The following LHX4 variants were observed in gnomAD, a reference collection of about 807,000 sequenced individuals.
The protein encoded by LHX4 is LIM/homeobox protein Lhx4.
A neutral mutation model predicts 39.2 loss-of-function variants in LHX4; 16 were observed. That is an observed-to-expected ratio of 0.41 (90% CI 0.28 to 0.62). The LOEUF is 0.62. LHX4 is among the 20% of genes least tolerant of loss of function. The probability of loss-of-function intolerance (pLI) is 0.33; values close to 1 mark genes in which losing one functional copy is unlikely to be tolerated. For synonymous variants in LHX4, 206 were observed against 198.1 expected, an observed-to-expected ratio of 1.04 and a Z score of -0.33; for missense variants, 439 against 511.9, an observed-to-expected ratio of 0.86 and a Z score of 1.37.
intron 3 of LHX4, chr1:180,269,754 G>A (rs1648523706): frequency 6.6e-6 from 1 of 152,222 alleles, no homozygotes; most frequent in Non-Finnish European, 1.5e-5. Flanking sequence ...ACACTCCCGT[G>A]TAGACTATAA....
rs1558207249 is a variant in LHX4, at chr1:180,234,211, AT to A, written c.76+3607del. The stretch of plus-strand genomic sequence containing the variant: ...TATATATATATATATATATATATAT[AT>A]ATATATATAATAGATTGAGATTCTA... On this transcript the variant is annotated intron_variant, in intron 1 of 5. Transcript: ENST00000263726. The surrounding 1 kb of genome is among the most constrained non-coding windows in gnomAD (Gnocchi z 4.8). Among the ~76,000 whole-genome samples the A allele has an allele frequency of 2.7e-3, 179 of 65,092 alleles. 3 individuals are homozygous for A. Among genetic ancestry groups the A allele is most frequent in the Admixed American group, 4.8e-3 (37 of 7,672 alleles). The allele number at this position is 65,092 out of a possible 152,430, so 42.7% of individuals were successfully genotyped here. A position where few individuals can be genotyped will look rare whatever the true frequency, so the allele number is the denominator to read the frequency against.
In LHX4 at chr1:180,278,170, A is replaced by T. The variant is rs1271353933; in HGVS notation, c.*3591A>T. On this transcript the variant is annotated 3_prime_UTR_variant, in exon 6 of 6. Coordinates refer to ENST00000263726, the MANE Select transcript of LHX4 (RefSeq NM_033343.4). ...AAATAATGACCATACCTCCCCAGCCAGCAGGGTCTGGAAGGCCTGAGGAGG... is the reference window on the plus strand; with the variant it reads ...AAATAATGACCATACCTCCCCAGCCTGCAGGGTCTGGAAGGCCTGAGGAGG... The T allele has an allele frequency of 6.6e-6, 1 of 152,248 alleles. No homozygotes were observed. The highest frequency in any genetic ancestry group is 2.4e-5 in the African/African-American group (1 of 41,468). The allele number at this position is 152,248 out of a possible 1,614,324, so 9.4% of individuals were successfully genotyped here. A position where few individuals can be genotyped will look rare whatever the true frequency, so the allele number is the denominator to read the frequency against.
chr1:180,253,061 T>C (rs570119799), intron 2 of LHX4, among the ~76,000 whole-genome samples: 2 of 152,134 alleles, frequency 1.3e-5, no homozygotes, highest in Non-Finnish European at 2.9e-5. Flanking sequence ...GTGGGGACCA[T>C]GATTTGTTCT....
intron 2 of LHX4, among the ~76,000 whole-genome samples, chr1:180,259,991 G>T (rs927833916): frequency 7.9e-5 from 12 of 151,526 alleles, no homozygotes; most frequent in Non-Finnish European, 1.3e-4. Flanking sequence ...GGAGGTCAAA[G>T]AATTGAGAGG....
intron 2 of LHX4, among the ~76,000 whole-genome samples, chr1:180,259,725 AG>A (rs1235767078): frequency 1.3e-5 from 2 of 151,522 alleles, no homozygotes; most frequent in African/African-American, 4.9e-5. Flanking sequence ...GGCAGGGTCC[AG>A]GGTGTGTGGG....
At chr1:180,235,345 CT>C (rs1664289375) in intron 1 of LHX4, among the ~76,000 whole-genome samples, 1 of 152,276 alleles carries the variant, frequency 6.6e-6, no homozygotes, top group African/African-American at 2.4e-5. Flanking sequence ...GTGGCAGGGA[CT>C]TTTCCAGCAA....
At chr1:180,233,758 G>A (rs1664235807) in intron 1 of LHX4, among the ~76,000 whole-genome samples, 1 of 152,180 alleles carries the variant, frequency 6.6e-6, no homozygotes, top group African/African-American at 2.4e-5. Flanking sequence ...ACGGGAGAAG[G>A]AGGAGCCCCG....
chr1:180,240,105 C>T (rs776959545), intron 1 of LHX4, among the ~76,000 whole-genome samples: 1 of 152,232 alleles, frequency 6.6e-6, no homozygotes, highest in Non-Finnish European at 1.5e-5. Flanking sequence ...AAAGCAAAAG[C>T]CTCACAGGAG....
At chr1:180,245,984 CAAG>C (rs1647366960) in intron 1 of LHX4, among the ~76,000 whole-genome samples, 1 of 151,400 alleles carries the variant, frequency 6.6e-6, no homozygotes, top group South Asian at 2.1e-4. Context: ...GCGTATTCCT[CAAG>C]GAGGAAAACT....
chr1:180,270,297 G>A (rs1222368315), intron 3 of LHX4: 2 of 152,302 alleles, frequency 1.3e-5, no homozygotes, highest in Non-Finnish European at 2.9e-5. Context: ...GGAAAGAAAG[G>A]AGAAAAGACA....
At chr1:180,257,440 G>A (rs891340551) in intron 2 of LHX4, among the ~76,000 whole-genome samples, 1 of 152,210 alleles carries the variant, frequency 6.6e-6, no homozygotes, top group Non-Finnish European at 1.5e-5. Context: ...TGTGTCCCCA[G>A]CCCCCGAGGC....
At chr1:180,273,960 G>C in intron 5 of LHX4, 1 of 582,168 alleles carries the variant, frequency 1.7e-6, no homozygotes, top group Non-Finnish European at 3.1e-6. Context: ...ATCCTTCTGG[G>C]ACCTGGGAAT....
chr1:180,262,612 G>A (rs555810112), intron 2 of LHX4, among the ~76,000 whole-genome samples: 3 of 151,070 alleles, frequency 2.0e-5, no homozygotes, highest in Non-Finnish European at 4.4e-5. Context: ...CATTTTCTGA[G>A]GCCTGTGGAA....
Position 180,230,678 on chromosome 1 carries a change from C to T in LHX4, c.76+73C>T, listed in dbSNP as rs1439337002. ...GCAGCCTCAGCCGCTGCGGGGCGGG[C>T]CGGACGCCGCTCAGGGGCCGGGAGG... On this transcript the variant is annotated intron_variant, in intron 1 of 5. Transcript: ENST00000263726. This position sits in a 1 kb window ranked among gnomAD's most constrained non-coding sequence, Gnocchi z 5.8. The T allele has an allele frequency of 1.5e-5, 21 of 1,435,508 alleles. No individual in the cohort carries two copies. Among genetic ancestry groups the T allele is most frequent in the Middle Eastern group, 1.7e-4 (1 of 5,750 alleles). 88.9% of individuals were successfully genotyped at this position (1,435,508 alleles called of 1,614,324 possible).
intron 3 of LHX4, among the ~76,000 whole-genome samples, chr1:180,268,334 ATGT>A (rs1571286173): frequency 2.0e-5 from 3 of 152,142 alleles, no homozygotes; most frequent in Admixed American, 6.5e-5. Flanking sequence ...GCATCTCCTG[ATGT>A]TGTGGGTGGT....
chr1:180,252,352 G>A (rs566642677), intron 2 of LHX4, among the ~76,000 whole-genome samples: 4 of 152,370 alleles, frequency 2.6e-5, no homozygotes, highest in African/African-American at 9.6e-5. Flanking sequence ...GAGAGGGACA[G>A]CAGGTGCCAC....
In LHX4 at chr1:180,271,318, T is replaced by G. The variant is rs910248242; in HGVS notation, c.452-62T>G. ...TGCAGAAAGGATGGAAGGGAGGGTG[T>G]GGGAGGAGGCGCAGCTGCTGCAGAT... On this transcript the variant is annotated intron_variant, in intron 3 of 5. Coordinates refer to ENST00000263726, the MANE Select transcript of LHX4 (RefSeq NM_033343.4). The G allele has an allele frequency of 2.5e-6, 4 of 1,576,836 alleles. No individual in the cohort carries two copies. The African/African-American group carries it at 4.0e-5, about 16-fold the overall frequency.
chr1:180,229,683 C>T (rs933453035), upstream of LHX4, among the ~76,000 whole-genome samples: 1 of 151,504 alleles, frequency 6.6e-6, no homozygotes, highest in African/African-American at 2.4e-5. Flanking sequence ...GGAGCGAAGC[C>T]GGGGACCGAG....
At chr1:180,268,257 C>T (rs1282751837) in intron 3 of LHX4, among the ~76,000 whole-genome samples, 3 of 152,148 alleles carry the variant, frequency 2.0e-5, no homozygotes, top group Non-Finnish European at 2.9e-5. Context: ...TAAGATGGCA[C>T]GACCTCCCCG....
Sources: allele counts gnomAD v4.1 joint callset (sites outside exome capture counted in the v4.1 genomes callset), GRCh38; gene constraint gnomAD v4.1.1; non-coding constraint Gnocchi (gnomAD v3.1); transcripts MANE v1.5; gene names NCBI Gene and HGNC (gene_info 2026-07-23, HGNC 2026-07-21).